Variants in ASAP1 observed in about 807,000 individuals in gnomAD.
ASAP1 encodes arf-GAP with SH3 domain, ANK repeat and PH domain-containing protein 1.
ASAP1 carries 43 observed loss-of-function variants against 145.2 expected under a neutral mutation model. That is an observed-to-expected ratio of 0.30 (90% CI 0.23 to 0.38). The LOEUF (loss-of-function observed/expected upper bound fraction) is 0.38, where lower values mean the gene tolerates loss of function less well. Ranked by LOEUF, ASAP1 falls within the 10% of genes least tolerant of loss-of-function variation. The pLI is 1.00. For synonymous variants in ASAP1, 546 were observed against 515.5 expected (o/e 1.06, Z -0.80); for missense variants, 1,018 against 1,355.3 (o/e 0.75, Z 3.91).
chr8:130,100,996 G>C (rs1018870710), intron 24 of ASAP1, among the ~76,000 whole-genome samples: 7 of 152,076 alleles, frequency 4.6e-5, no homozygotes, highest in African/African-American at 1.7e-4. Flanking sequence ...AATTCATCTT[G>C]AGTTGAGAGA....
chr8:130,413,607 G>A (rs1438969682), intron 1 of ASAP1, among the ~76,000 whole-genome samples: 3 of 152,170 alleles, frequency 2.0e-5, no homozygotes, highest in African/African-American at 7.2e-5. Context: ...TTAGAAGACT[G>A]TAAGTTTGAA....
At chr8:130,088,852 TC>T (rs2097499547) in intron 25 of ASAP1, among the ~76,000 whole-genome samples, 1 of 152,156 alleles carries the variant, frequency 6.6e-6, no homozygotes, top group African/African-American at 2.4e-5. Context: ...TCTTCATAAC[TC>T]CATATGCAAT....
intron 1 of ASAP1, among the ~76,000 whole-genome samples, chr8:130,432,230 G>A (rs867396571): frequency 3.9e-5 from 6 of 151,956 alleles, no homozygotes; most frequent in Non-Finnish European, 2.9e-5. Context: ...CAAATGTTAC[G>A]GGTACTCAAA....
At chr8:130,315,059 T>C (rs2137585895) in intron 3 of ASAP1, among the ~76,000 whole-genome samples, 1 of 152,246 alleles carries the variant, frequency 6.6e-6, no homozygotes, top group Non-Finnish European at 1.5e-5. Flanking sequence ...GTGGAGAAAA[T>C]GTGACAAGAG....
At chr8:130,251,138 C>T (rs1819171229) in intron 3 of ASAP1, among the ~76,000 whole-genome samples, 1 of 152,296 alleles carries the variant, frequency 6.6e-6, no homozygotes, top group East Asian at 1.9e-4. Context: ...TTAAAATGGG[C>T]CAGGCGTGAT....
chr8:130,128,307 G>C (rs969283763), intron 15 of ASAP1, among the ~76,000 whole-genome samples: 1 of 151,880 alleles, frequency 6.6e-6, no homozygotes, highest in Non-Finnish European at 1.5e-5. Context: ...TGACACATAG[G>C]GGAAAATGAG....
intron 2 of ASAP1, among the ~76,000 whole-genome samples, chr8:130,397,646 G>A (rs989248514): frequency 6.6e-6 from 1 of 152,194 alleles, no homozygotes; most frequent in Non-Finnish European, 1.5e-5. Context: ...CAAAGGATGG[G>A]GGGAACTGCT....
intron 17 of ASAP1, among the ~76,000 whole-genome samples, chr8:130,125,647 T>C (rs2135721047): frequency 6.6e-6 from 1 of 152,326 alleles, no homozygotes; most frequent in Non-Finnish European, 1.5e-5. Context: ...TTAACTGCTA[T>C]TTCCACGAGT....
intron 3 of ASAP1, among the ~76,000 whole-genome samples, chr8:130,302,622 A>G (rs552652990): frequency 2.0e-5 from 3 of 152,324 alleles, no homozygotes; most frequent in African/African-American, 7.2e-5. Flanking sequence ...CATAGAAAGA[A>G]GGCCAAAGGT....
intron 2 of ASAP1, among the ~76,000 whole-genome samples, chr8:130,400,652 G>A (rs1345423635): frequency 3.9e-5 from 6 of 151,982 alleles, no homozygotes; most frequent in Admixed American, 1.3e-4. Context: ...TTAGCTGGGC[G>A]TGATGGCAGG....
chr8:130,397,011 T>C (rs557622319), intron 2 of ASAP1, among the ~76,000 whole-genome samples: 1 of 152,346 alleles, frequency 6.6e-6, no homozygotes, highest in South Asian at 2.1e-4. Context: ...CTTATGGTAT[T>C]TGGGGTGAAT....
intron 3 of ASAP1, among the ~76,000 whole-genome samples, chr8:130,272,746 G>A (rs753643015): frequency 6.6e-6 from 1 of 152,140 alleles, no homozygotes; most frequent in Non-Finnish European, 1.5e-5. Flanking sequence ...AATAAAGCAG[G>A]CATAGAAAGA....
intron 11 of ASAP1, chr8:130,162,960 A>C (rs947950079): frequency 1.3e-5 from 2 of 154,382 alleles, no homozygotes; most frequent in Non-Finnish European, 2.9e-5. Context: ...AAATGCTTTA[A>C]AACTATGTAT....
intron 2 of ASAP1, among the ~76,000 whole-genome samples, chr8:130,379,426 A>T (rs1008278600): frequency 2.0e-5 from 3 of 152,160 alleles, no homozygotes; most frequent in Non-Finnish European, 2.9e-5. Context: ...CACACTTGAG[A>T]AGGAAATTGT....
chr8:130,240,301 C>T (rs963489098), intron 3 of ASAP1, among the ~76,000 whole-genome samples: 1 of 151,994 alleles, frequency 6.6e-6, no homozygotes, highest in Non-Finnish European at 1.5e-5. Context: ...CTAGGTGACA[C>T]TTCTTTTTTT....
At chr8:130,108,762 T>G (rs915028669) in intron 24 of ASAP1, among the ~76,000 whole-genome samples, 4 of 57,238 alleles carry the variant, frequency 7.0e-5, no homozygotes, top group Admixed American at 4.4e-4. Context: ...AACCAGTTTT[T>G]TTTTTTTTTT....
chr8:130,315,359 G>A (rs2137589095), intron 3 of ASAP1, among the ~76,000 whole-genome samples: 1 of 152,286 alleles, frequency 6.6e-6, no homozygotes, highest in South Asian at 2.1e-4. Flanking sequence ...AGGGATGAGA[G>A]TTGAGATCCA....
chr8:130,314,373 T>C lies in ASAP1; in HGVS notation c.186+43644A>G, dbSNP rs1014325319. Among the ~76,000 whole-genome samples the C allele has an allele frequency of 1.1e-4, 17 of 152,372 alleles. 1 individual carries two copies. The South Asian group carries it at 3.1e-3, about 28-fold the overall frequency. On this transcript the variant is annotated intron_variant, in intron 3 of 29. Transcript: ENST00000518721. ...TAGGCATGGCACTGAGCTCCTTTTA[T>C]ACAGCAGTTTATTTAATCTTGAAAC...
At chr8:130,192,329 G>T (rs547764343) in intron 5 of ASAP1, among the ~76,000 whole-genome samples, 2 of 147,518 alleles carry the variant, frequency 1.4e-5, no homozygotes, top group South Asian at 2.2e-4. Flanking sequence ...AATTTCACGG[G>T]GGGGAGCGAT....
Sources: allele counts gnomAD v4.1 joint callset (sites outside exome capture counted in the v4.1 genomes callset), GRCh38; gene constraint gnomAD v4.1.1; transcripts MANE v1.5; gene names NCBI Gene and HGNC (gene_info 2026-07-23, HGNC 2026-07-21).